Variants in ADGRG6 observed in about 807,000 individuals in gnomAD.
ADGRG6 encodes the protein G-protein coupled receptor 126.
In ADGRG6, 84 loss-of-function variants were observed where a neutral mutation model predicts 142.4. The ratio of observed to expected loss-of-function variants is 0.59; its 90% confidence interval spans 0.49 to 0.71. The LOEUF (loss-of-function observed/expected upper bound fraction) is 0.71. Ranked by LOEUF, ADGRG6 falls within the 30% of genes least tolerant of loss-of-function variation. The probability of loss-of-function intolerance (pLI) is 0.00; values close to 1 mark genes in which losing one functional copy is unlikely to be tolerated. For synonymous variants in ADGRG6, 521 were observed against 520.5 expected, an observed-to-expected ratio of 1.00 and a Z score of -0.01; for missense variants, 1,367 against 1,466.6, an observed-to-expected ratio of 0.93 and a Z score of 1.11.
intron 22 of ADGRG6, 109 bp downstream of exon 22, chr6:142,420,213 G>A (rs1017899753): frequency 4.9e-6 from 4 of 815,768 alleles, no homozygotes; most frequent in Non-Finnish European, 6.0e-6. Flanking sequence ...ACTATTTCAA[G>A]TGCTGAATAT....
intron 24 of ADGRG6, among the ~76,000 whole-genome samples, chr6:142,441,282 T>A (rs151201363): frequency 6.6e-6 from 1 of 152,326 alleles, no homozygotes; most frequent in East Asian, 1.9e-4. Flanking sequence ...TGAAATGCTT[T>A]ATTTTTCCAC....
At chr6:142,433,516 A>C (rs1265715864) in intron 22 of ADGRG6, among the ~76,000 whole-genome samples, 1 of 152,188 alleles carries the variant, frequency 6.6e-6, no homozygotes, top group Non-Finnish European at 1.5e-5. Context: ...AATGATATCT[A>C]TTCCGTACTT....
chr6:142,318,272 T>TTATATTATATATTTA (rs1778317591), intron 2 of ADGRG6, among the ~76,000 whole-genome samples: 1 of 71,874 alleles, frequency 1.4e-5, no homozygotes, highest in Non-Finnish European at 2.4e-5. Flanking sequence ...TTATATATAT[T>TTATATTATATATTTA]TATATTATAT....
chr6:142,416,000 T>C lies in ADGRG6; in HGVS notation c.2874T>C (p.Ala958=), dbSNP rs768324639. The C allele has an allele frequency of 6.2e-7, 1 of 1,611,852 alleles. No homozygotes were observed. The highest frequency in any genetic ancestry group is 8.5e-7 in the Non-Finnish European group (1 of 1,178,088). The change falls in exon 20 of 25, where the codon GCT becomes GCC. Residue 958 remains alanine (A), a synonymous_variant. Transcript: ENST00000367609. ...TAGAAGCAATTCACATGTACATTGCTCTAGTTAAAGTATTTAACACTTACA... is the reference window on the plus strand; with the variant it reads ...TAGAAGCAATTCACATGTACATTGCCCTAGTTAAAGTATTTAACACTTACA... ...MGLEAIHMYI[A]LVKVFNTYIR... is the part of the protein sequence containing the mutation.
chr6:142,308,337 G>C (rs1040771489), intron 1 of ADGRG6, among the ~76,000 whole-genome samples: 6 of 151,966 alleles, frequency 3.9e-5, no homozygotes, highest in African/African-American at 1.4e-4. Flanking sequence ...TAGCAAACCA[G>C]ATCTGTCTCA....
chr6:142,398,190 G>A (rs1195689774), intron 10 of ADGRG6, among the ~76,000 whole-genome samples: 1 of 152,324 alleles, frequency 6.6e-6, no homozygotes, highest in East Asian at 1.9e-4. Flanking sequence ...ACTTTGGGAG[G>A]CCAAGGTGGA....
chr6:142,357,680 T>C (rs1337828941), intron 2 of ADGRG6, among the ~76,000 whole-genome samples: 3 of 152,182 alleles, frequency 2.0e-5, no homozygotes, highest in African/African-American at 7.2e-5. Flanking sequence ...ACCATCTTTT[T>C]CCCAATATAT....
intron 2 of ADGRG6, among the ~76,000 whole-genome samples, chr6:142,323,558 G>T (rs577490400): frequency 4.4e-4 from 67 of 152,236 alleles, no homozygotes; most frequent in Middle Eastern, 3.4e-3. Context: ...GATTAGTCAT[G>T]CATTGCTTAA....
chr6:142,377,840 G>A (rs964911269), intron 4 of ADGRG6, among the ~76,000 whole-genome samples: 2 of 152,076 alleles, frequency 1.3e-5, no homozygotes, highest in African/African-American at 4.8e-5. Context: ...TTATTTTGGT[G>A]TGTTTGTAAT....
intron 19 of ADGRG6, 52 bp downstream of exon 19, chr6:142,415,148 A>G: frequency 6.7e-7 from 1 of 1,497,244 alleles, no homozygotes; most frequent in East Asian, 2.3e-5. Context: ...CCAAATGTGA[A>G]TAAGAAAATT....
At position 142,313,370 on chromosome 6, in the gene ADGRG6, A is replaced by C. The variant is rs185814058; in HGVS notation, c.103+3726A>C. On this transcript the variant is annotated intron_variant, in intron 2 of 24. Coordinates refer to ENST00000367609, the MANE Select transcript of ADGRG6 (RefSeq NM_198569.3). ...GAAGATGAATGATGATATCTCAAGC[A>C]GACAGAGGGTTATGGATTCAAGTAG... 3.8e-3 allele frequency among the ~76,000 whole-genome samples: 585 copies of C among 152,148 alleles called. 6 individuals are homozygous for C. Among genetic ancestry groups the C allele is most frequent in the African/African-American group, 0.012 (494 of 41,536 alleles).
At chr6:142,348,628 GTT>G (rs755316750) in intron 2 of ADGRG6, among the ~76,000 whole-genome samples, 1 of 143,124 alleles carries the variant, frequency 7.0e-6, no homozygotes. Flanking sequence ...GTGAGGGGTG[GTT>G]TTTTTTTTTT....
At chr6:142,412,911 G>C (rs879718716) in intron 18 of ADGRG6, among the ~76,000 whole-genome samples, 3 of 152,046 alleles carry the variant, frequency 2.0e-5, no homozygotes, top group Admixed American at 2.0e-4. Context: ...TTTATATGAA[G>C]CCAGAGTTTG....
intron 4 of ADGRG6, among the ~76,000 whole-genome samples, chr6:142,376,270 A>T (rs1233374070): frequency 2.0e-5 from 3 of 152,156 alleles, no homozygotes; most frequent in Non-Finnish European, 4.4e-5. Flanking sequence ...TGCCTTCTCT[A>T]CTAGTTTTAT....
chr6:142,396,723 A>G (rs1775215990), intron 9 of ADGRG6, among the ~76,000 whole-genome samples: 1 of 152,094 alleles, frequency 6.6e-6, no homozygotes. Context: ...AGAAGAAACA[A>G]TTTTTTTGTG....
chr6:142,371,610 C>G (rs532243856), intron 4 of ADGRG6, among the ~76,000 whole-genome samples: 1 of 151,208 alleles, frequency 6.6e-6, no homozygotes, highest in East Asian at 1.9e-4. Flanking sequence ...CTCAGCCTAT[C>G]GAGTAGCTGG....
chr6:142,339,529 T>A (rs1562322446), intron 2 of ADGRG6, among the ~76,000 whole-genome samples: 1 of 152,198 alleles, frequency 6.6e-6, no homozygotes, highest in Non-Finnish European at 1.5e-5. Context: ...TTACTTCTGC[T>A]TTGCTTGAGT....
intron 4 of ADGRG6, among the ~76,000 whole-genome samples, chr6:142,372,634 A>C (rs1340281032): frequency 6.6e-6 from 1 of 152,228 alleles, no homozygotes; most frequent in Non-Finnish European, 1.5e-5. Context: ...AGAGCTTTAT[A>C]AGAGCTGGTG....
In ADGRG6 at chr6:142,348,483, C is replaced by T. The variant is rs991406279; in HGVS notation, c.104-19086C>T. Among the ~76,000 whole-genome samples, 5 of 152,216 alleles carry T rather than the reference C, an allele frequency of 3.3e-5. No homozygotes were observed. In the South Asian group the frequency reaches 1.0e-3, roughly 32 times the overall value. ...AATTCCCTACATTATTAAAAAGTATCCCTCCTCTGTTCATTCCTGACATCA... is the reference window on the plus strand; with the variant it reads ...AATTCCCTACATTATTAAAAAGTATTCCTCCTCTGTTCATTCCTGACATCA... On this transcript the variant is annotated intron_variant, in intron 2 of 24. Transcript: ENST00000367609.
Sources: allele counts gnomAD v4.1 joint callset (sites outside exome capture counted in the v4.1 genomes callset), GRCh38; gene constraint gnomAD v4.1.1; transcripts MANE v1.5; gene names NCBI Gene and HGNC (gene_info 2026-07-23, HGNC 2026-07-21).